The following PRKACB variants were observed in gnomAD, a reference collection of about 807,000 sequenced individuals.
PRKACB encodes the protein cAMP-dependent protein kinase catalytic subunit beta.
In PRKACB, 16 loss-of-function variants were observed where a neutral mutation model predicts 51.4. That is an observed-to-expected ratio of 0.31 (90% CI 0.21 to 0.47). PRKACB has a LOEUF of 0.47. Ranked by LOEUF, PRKACB falls within the 20% of genes least tolerant of loss-of-function variation. The pLI is 1.00. For synonymous variants in PRKACB, 147 were observed against 154.4 expected (o/e 0.95, Z 0.35); for missense variants, 309 against 464.5 (o/e 0.67, Z 3.08).
intron 1 of PRKACB, chr1:84,178,768 AT>A (rs1363285927): frequency 1.3e-5 from 2 of 153,220 alleles, no homozygotes; most frequent in African/African-American, 4.8e-5. Flanking sequence ...TATTTTTGAA[AT>A]TCCACGAATC....
chr1:84,185,109 A>C lies in PRKACB; in HGVS notation c.487A>C (p.Asn163His). 7 of 1,483,078 alleles carry C rather than the reference A, an allele frequency of 4.7e-6. No individual in the cohort carries two copies. The highest frequency in any genetic ancestry group is 6.3e-6 in the Non-Finnish European group (7 of 1,108,262). 91.9% of individuals were successfully genotyped at this position (1,483,078 alleles called of 1,614,324 possible). The change falls in exon 5 of 10, where the codon AAT becomes CAT. Residue 163 changes from asparagine (N) to histidine (H), a missense_variant. By Grantham distance (68) the Asn-to-His change is moderately conservative. Around this residue, in one of 3 missense-constraint regions of PRKACB, gnomAD observed 153 missense variants for 190.2 expected, o/e 0.80. Coordinates refer to ENST00000370685, the MANE Select transcript of PRKACB (RefSeq NM_182948.4). ...TTTTATTTGTTCATAGGATAATTCT[A>C]ATTTATACATGGTTATGGAATATGT... The part of the protein sequence containing the change: ...RLEYAFKDNS[N>H]LYMVMEYVPG...
intron 1 of PRKACB, among the ~76,000 whole-genome samples, chr1:84,167,164 G>A (rs929045166): frequency 6.6e-6 from 1 of 151,450 alleles, no homozygotes; most frequent in Non-Finnish European, 1.5e-5. Context: ...TATAATAACT[G>A]CATTACTGGT....
chr1:84,108,172 G>A (rs1025666039), intron 1 of PRKACB, among the ~76,000 whole-genome samples: 2 of 151,974 alleles, frequency 1.3e-5, no homozygotes, highest in Admixed American at 6.6e-5. Context: ...TGTCCTTTGC[G>A]GGAACATGGG....
At chr1:84,217,602 G>A (rs971464700) in intron 9 of PRKACB, among the ~76,000 whole-genome samples, 12 of 152,136 alleles carry the variant, frequency 7.9e-5, no homozygotes, top group African/African-American at 2.7e-4. Context: ...AAGACTAGAT[G>A]GGCAACATAG....
Position 84,164,170 on chromosome 1 carries a change from A to G in PRKACB, c.188-15007A>G, listed in dbSNP as rs574759821. ...GCAGATATACATATATGTATATAAT[A>G]TTATTCTCTTCCATAACACAGAATG... On this transcript the variant is annotated intron_variant, in intron 1 of 9. Transcript: ENST00000370685. 10 of 913,024 alleles carry G rather than the reference A, an allele frequency of 1.1e-5. No homozygotes were observed. The Admixed American group carries it at 1.9e-4, about 17-fold the overall frequency. 56.6% of individuals were successfully genotyped at this position (913,024 alleles called of 1,614,324 possible). A position where few individuals can be genotyped will look rare whatever the true frequency, so the allele number is the denominator to read the frequency against.
At chr1:84,078,376 G>C (rs771589347) in intron 1 of PRKACB, 7 of 1,611,538 alleles carry the variant, frequency 4.3e-6, no homozygotes, top group Non-Finnish European at 5.9e-6. Flanking sequence ...AGAGCGGTGA[G>C]TTGAAGGCCG....
intron 1 of PRKACB, among the ~76,000 whole-genome samples, chr1:84,088,226 T>C (rs1219466740): frequency 1.3e-5 from 2 of 152,194 alleles, no homozygotes; most frequent in African/African-American, 4.8e-5. Context: ...ATGGCCATAG[T>C]TTAATGTTAT....
At chr1:84,129,394 C>T (rs1441190023) in intron 1 of PRKACB, among the ~76,000 whole-genome samples, 1 of 151,918 alleles carries the variant, frequency 6.6e-6, no homozygotes, top group East Asian at 1.9e-4. Flanking sequence ...AATAATGACA[C>T]CATACTTGAT....
chr1:84,113,497 C>T (rs1650396332), intron 1 of PRKACB, among the ~76,000 whole-genome samples: 1 of 152,160 alleles, frequency 6.6e-6, no homozygotes, highest in South Asian at 2.1e-4. Flanking sequence ...TTGCCATACC[C>T]AGCAATGTGC....
intron 1 of PRKACB, among the ~76,000 whole-genome samples, chr1:84,133,268 A>G (rs1571727104): frequency 6.6e-6 from 1 of 152,216 alleles, no homozygotes; most frequent in Non-Finnish European, 1.5e-5. Flanking sequence ...CAACTGACCT[A>G]TAATTATATA....
At chr1:84,119,123 C>G (rs548545332) in intron 1 of PRKACB, among the ~76,000 whole-genome samples, 4 of 152,194 alleles carry the variant, frequency 2.6e-5, no homozygotes, top group African/African-American at 9.6e-5. Context: ...CTGCCTCTGC[C>G]ATGTCTTTCT....
exon 1 of PRKACB, chr1:84,078,170 C>G: frequency 1.3e-6 from 1 of 767,930 alleles, no homozygotes; most frequent in Non-Finnish European, 2.0e-6. Flanking sequence ...TCCTCAGACC[C>G]GGCCCGGTCT....
chr1:84,129,558 G>A (rs948788564), intron 1 of PRKACB, among the ~76,000 whole-genome samples: 2 of 152,104 alleles, frequency 1.3e-5, no homozygotes, highest in South Asian at 2.1e-4. Context: ...TGAGATTAAG[G>A]TGAAGCATGT....
intron 1 of PRKACB, among the ~76,000 whole-genome samples, chr1:84,108,918 A>T (rs552289090): frequency 6.6e-6 from 1 of 152,122 alleles, no homozygotes; most frequent in South Asian, 2.1e-4. Context: ...TATTTCCCCA[A>T]TTCAAGGGTA....
rs191514613 is a variant in PRKACB, at chr1:84,225,234, G to C, written c.1072-9946G>C. On this transcript the variant is annotated intron_variant, in intron 9 of 9. Transcript: ENST00000370685. ...GAGTCTGTCCTCATGCCCCCAAATA[G>C]CATCCAGTTGGGCCAGTTCCCAGGT... Among the ~76,000 whole-genome samples, 24 of 152,312 alleles carry C rather than the reference G, an allele frequency of 1.6e-4. No individual in the cohort carries two copies. In the East Asian group the frequency reaches 3.7e-3, roughly 23 times the overall value.
intron 9 of PRKACB, among the ~76,000 whole-genome samples, chr1:84,225,477 G>A (rs1674432671): frequency 6.6e-6 from 1 of 152,108 alleles, no homozygotes; most frequent in Admixed American, 6.5e-5. Context: ...CGCACCATTG[G>A]GTCCAGCCAG....
At chr1:84,201,613 A>G (rs988941995) in intron 7 of PRKACB, among the ~76,000 whole-genome samples, 1 of 151,934 alleles carries the variant, frequency 6.6e-6, no homozygotes. Flanking sequence ...GAAAATCTCT[A>G]TAGCGCTAAA....
chr1:84,194,809 G>A (rs1012791252), intron 5 of PRKACB, among the ~76,000 whole-genome samples: 1 of 152,036 alleles, frequency 6.6e-6, no homozygotes, highest in Non-Finnish European at 1.5e-5. Context: ...ATGGTGGTGT[G>A]CAACTGTAGT....
chr1:84,174,172 A>T (rs573317730), intron 1 of PRKACB, among the ~76,000 whole-genome samples: 1 of 151,856 alleles, frequency 6.6e-6, no homozygotes, highest in South Asian at 2.1e-4. Context: ...TCTCCCACTG[A>T]TGTTTTACAT....
Sources: gnomAD v4.1 joint callset for allele counts (sites outside exome capture counted in the v4.1 genomes callset) on GRCh38, gnomAD v4.1.1 for gene constraint, gnomAD v4.1.1 regional missense constraint, MANE v1.5 for transcripts, NCBI Gene and HGNC (gene_info 2026-07-23, HGNC 2026-07-21) for gene names.